The following SKAP2 variants were observed in gnomAD, a reference collection of about 807,000 sequenced individuals.
SKAP2 encodes the protein src kinase associated phosphoprotein 2.
A neutral mutation model predicts 54.9 loss-of-function variants in SKAP2; 28 were observed. That is an observed-to-expected ratio of 0.51 (90% CI 0.38 to 0.70). The LOEUF (loss-of-function observed/expected upper bound fraction) is 0.70, where lower values mean the gene tolerates loss of function less well. SKAP2 is among the 30% of genes least tolerant of loss of function. The pLI is 0.00. For missense variants in SKAP2, 356 were observed against 424.1 expected (o/e 0.84, Z 1.41); for synonymous variants, 137 against 134.3 (o/e 1.02, Z -0.14).
At chr7:26,805,066 G>C (rs1783998094) in intron 4 of SKAP2, among the ~76,000 whole-genome samples, 1 of 151,990 alleles carries the variant, frequency 6.6e-6, no homozygotes. Context: ...GGTTAGTTTT[G>C]AAATCAGATT....
intron 11 of SKAP2, among the ~76,000 whole-genome samples, chr7:26,675,718 T>C (rs549439668): frequency 2.2e-4 from 33 of 152,334 alleles, no homozygotes; most frequent in African/African-American, 7.7e-4. Flanking sequence ...AGTTAAAGAA[T>C]TGTAGTAGTG....
intron 1 of SKAP2, among the ~76,000 whole-genome samples, chr7:26,858,456 T>C (rs1246682891): frequency 2.0e-5 from 3 of 152,192 alleles, no homozygotes; most frequent in African/African-American, 7.2e-5. Context: ...GCTCTGTCGA[T>C]AAATGTTAAG....
At chr7:26,746,270 CACTTT>C (rs1252545254) in intron 4 of SKAP2, among the ~76,000 whole-genome samples, 2 of 152,170 alleles carry the variant, frequency 1.3e-5, no homozygotes, top group African/African-American at 4.8e-5. Context: ...AGTTTAATTA[CACTTT>C]ACTTTATAAT....
intron 3 of SKAP2, among the ~76,000 whole-genome samples, chr7:26,846,662 T>C (rs1002123654): frequency 2.0e-5 from 3 of 152,206 alleles, no homozygotes; most frequent in South Asian, 2.1e-4. Flanking sequence ...TTGACTTTTA[T>C]AGAAAGTCAT....
chr7:26,717,824 C>T (rs558728160), intron 9 of SKAP2, among the ~76,000 whole-genome samples: 14 of 150,070 alleles, frequency 9.3e-5, no homozygotes, highest in African/African-American at 3.2e-4. Context: ...AGAGCAAGAC[C>T]CTGTCTCAAA....
intron 4 of SKAP2, among the ~76,000 whole-genome samples, chr7:26,759,808 A>G (rs933245147): frequency 1.3e-5 from 2 of 152,166 alleles, no homozygotes; most frequent in African/African-American, 2.4e-5. Context: ...ATAAAGGTAA[A>G]TACAAGTTTT....
chr7:26,686,410 C>A (rs1322271708), intron 10 of SKAP2, among the ~76,000 whole-genome samples: 1 of 152,052 alleles, frequency 6.6e-6, no homozygotes, highest in African/African-American at 2.4e-5. Context: ...TCCACACTAG[C>A]ATCTGAGCAC....
intron 4 of SKAP2, among the ~76,000 whole-genome samples, chr7:26,840,047 A>G (rs1462577554): frequency 6.6e-6 from 1 of 152,066 alleles, no homozygotes; most frequent in African/African-American, 2.4e-5. Flanking sequence ...TTAATCCCTG[A>G]GATTTAAAAA....
chr7:26,810,559 T>C (rs1392245621), intron 4 of SKAP2, among the ~76,000 whole-genome samples: 1 of 152,132 alleles, frequency 6.6e-6, no homozygotes, highest in Admixed American at 6.5e-5. Flanking sequence ...ATTTCAAAGG[T>C]TCTCACCACA....
At chr7:26,666,103 T>C (rs1396869548), downstream of SKAP2, among the ~76,000 whole-genome samples, 3 of 152,088 alleles carry the variant, frequency 2.0e-5, no homozygotes, top group East Asian at 1.9e-4. Context: ...TTCTTTACCA[T>C]GTGGATTGCT....
chr7:26,786,707 G>C (rs1783553918), intron 4 of SKAP2, among the ~76,000 whole-genome samples: 1 of 152,202 alleles, frequency 6.6e-6, no homozygotes, highest in Non-Finnish European at 1.5e-5. Context: ...AGGGTCATGA[G>C]CTCTTTTAGT....
chr7:26,844,613 A>G (rs1470775929), intron 3 of SKAP2, among the ~76,000 whole-genome samples: 1 of 152,164 alleles, frequency 6.6e-6, no homozygotes, highest in African/African-American at 2.4e-5. Flanking sequence ...AGCTGTATGA[A>G]TATTTTGTAT....
intron 4 of SKAP2, among the ~76,000 whole-genome samples, chr7:26,781,916 G>A (rs190001860): frequency 6.6e-4 from 100 of 152,200 alleles, no homozygotes; most frequent in Admixed American, 3.3e-3. Context: ...TCTTCTTCAA[G>A]GAAGCCTTCC....
At chr7:26,709,599 C>A (rs1787248250) in intron 9 of SKAP2, among the ~76,000 whole-genome samples, 1 of 152,202 alleles carries the variant, frequency 6.6e-6, no homozygotes, top group Non-Finnish European at 1.5e-5. Flanking sequence ...GTTGCTTGTG[C>A]AGATTTCCAT....
chr7:26,832,567 T>G (rs1197502875), intron 4 of SKAP2, among the ~76,000 whole-genome samples: 1 of 152,176 alleles, frequency 6.6e-6, no homozygotes, highest in Non-Finnish European at 1.5e-5. Flanking sequence ...GGTGCATGCC[T>G]GTAGTCTCAG....
chr7:26,763,873 C>T (rs1782985949), intron 4 of SKAP2, among the ~76,000 whole-genome samples: 1 of 152,094 alleles, frequency 6.6e-6, no homozygotes, highest in Admixed American at 6.5e-5. Flanking sequence ...AGCTGTAACA[C>T]AATGGTAACT....
chr7:26,809,270 C>T (rs1784088798), intron 4 of SKAP2, among the ~76,000 whole-genome samples: 2 of 151,968 alleles, frequency 1.3e-5, no homozygotes, highest in Admixed American at 6.6e-5. Flanking sequence ...AAAAATTGGC[C>T]GGGTGTGGTG....
chr7:26,803,984 G>C (rs1348767994), intron 4 of SKAP2, among the ~76,000 whole-genome samples: 1 of 152,090 alleles, frequency 6.6e-6, no homozygotes, highest in Non-Finnish European at 1.5e-5. Context: ...GAGTAGTGGA[G>C]GATTGGAGGG....
At chr7:26,740,250 A>G (rs980493193) in intron 4 of SKAP2, among the ~76,000 whole-genome samples, 1 of 152,140 alleles carries the variant, frequency 6.6e-6, no homozygotes, top group African/African-American at 2.4e-5. Flanking sequence ...AATGCAATAA[A>G]TCCCTGAAAG....
Sources: allele counts gnomAD v4.1 joint callset (sites outside exome capture counted in the v4.1 genomes callset), GRCh38; gene constraint gnomAD v4.1.1; transcripts MANE v1.5; gene names NCBI Gene and HGNC (gene_info 2026-07-23, HGNC 2026-07-21).